The following C14orf132 variants were observed in gnomAD, a reference collection of about 807,000 sequenced individuals.
C14orf132 encodes uncharacterized protein C14orf132.
C14orf132 carries 6 observed loss-of-function variants against 5.8 expected under a neutral mutation model. That is an observed-to-expected ratio of 1.03 (90% CI 0.57 to 2.04). The LOEUF (loss-of-function observed/expected upper bound fraction) is 2.04, where lower values mean the gene tolerates loss of function less well. Among genes scored for constraint, C14orf132 ranks in the 30% most tolerant of loss-of-function variants. C14orf132 has a pLI of 0.00. For missense variants in C14orf132, 125 were observed against 115.8 expected (o/e 1.08, Z -0.37); for synonymous variants, 51 against 49.8 (o/e 1.02, Z -0.10).
intron 1 of C14orf132, among the ~76,000 whole-genome samples, chr14:96,051,966 G>T (rs982411957): frequency 6.6e-6 from 1 of 152,382 alleles, no homozygotes; most frequent in East Asian, 1.9e-4. Flanking sequence ...GATAGCTGTC[G>T]TAGGTGAATC....
chr14:96,072,836 G>A (rs1206897221), intron 1 of C14orf132, among the ~76,000 whole-genome samples: 1 of 152,244 alleles, frequency 6.6e-6, no homozygotes, highest in Non-Finnish European at 1.5e-5. Context: ...TTATCGCCAA[G>A]TGGGATTATA....
Position 96,039,589 on chromosome 14 carries a change from G to A in C14orf132, c.27+62G>A. 1.4e-6 allele frequency: 2 copies of A among 1,448,854 alleles called. No individual in the cohort carries two copies. Among genetic ancestry groups the A allele is most frequent in the Non-Finnish European group, 1.8e-6 (2 of 1,094,212 alleles). 89.7% of individuals were successfully genotyped at this position (1,448,854 alleles called of 1,614,324 possible). A position where few individuals can be genotyped will look rare whatever the true frequency, so the allele number is the denominator to read the frequency against. ...AAGTTTGGGGAGGTTCGGGGCCACG[G>A]TCTCGCCCTCCACGCTGGGGCTGGG... On this transcript the variant is annotated intron_variant, in intron 1 of 1. Coordinates refer to ENST00000555004, the MANE Select transcript of C14orf132 (RefSeq NM_001252507.3). The surrounding 1 kb of genome is among the most constrained non-coding windows in gnomAD (Gnocchi z 5.3).
intron 1 of C14orf132, among the ~76,000 whole-genome samples, chr14:96,080,498 T>C (rs1887997938): frequency 6.6e-6 from 1 of 152,216 alleles, no homozygotes; most frequent in African/African-American, 2.4e-5. Flanking sequence ...TTCTATTGTT[T>C]TGTGTTTACC....
At chr14:96,050,737 A>T (rs1887002971) in intron 1 of C14orf132, among the ~76,000 whole-genome samples, 1 of 151,852 alleles carries the variant, frequency 6.6e-6, no homozygotes, top group African/African-American at 2.4e-5. Context: ...CATAGGCAGT[A>T]AACCGGAGCA....
At chr14:96,064,454 A>G (rs1243699112) in intron 1 of C14orf132, among the ~76,000 whole-genome samples, 1 of 151,246 alleles carries the variant, frequency 6.6e-6, no homozygotes, top group African/African-American at 2.4e-5. Context: ...ATATATGTGT[A>G]TATGTATGTA....
intron 1 of C14orf132, among the ~76,000 whole-genome samples, chr14:96,082,915 G>C (rs1441292139): frequency 6.6e-6 from 1 of 152,180 alleles, no homozygotes; most frequent in Non-Finnish European, 1.5e-5. Context: ...GAGGCAAGTG[G>C]GTAAGTAACT....
At chr14:96,051,884 T>C (rs1297613096) in intron 1 of C14orf132, among the ~76,000 whole-genome samples, 1 of 152,202 alleles carries the variant, frequency 6.6e-6, no homozygotes, top group African/African-American at 2.4e-5. Context: ...AGAGCACACA[T>C]TGCATACAGA....
intron 1 of C14orf132, among the ~76,000 whole-genome samples, chr14:96,079,882 T>C (rs1887979371): frequency 6.6e-6 from 1 of 152,212 alleles, no homozygotes; most frequent in African/African-American, 2.4e-5. Context: ...CATATTGAGT[T>C]GTCAGATGTA....
chr14:96,046,670 T>A (rs1275238280), intron 1 of C14orf132, among the ~76,000 whole-genome samples: 1 of 152,188 alleles, frequency 6.6e-6, no homozygotes, highest in Non-Finnish European at 1.5e-5. Flanking sequence ...ACCTACATAT[T>A]AACATCATAT....
chr14:96,091,042 G>A lies in C14orf132; in HGVS notation c.*4307G>A. The A allele has an allele frequency of 2.2e-6, 1 of 455,830 alleles. No individual in the cohort carries two copies. The highest frequency in any genetic ancestry group is 2.0e-5 in the African/African-American group (1 of 50,164). 28.2% of individuals were successfully genotyped at this position (455,830 alleles called of 1,614,324 possible). On this transcript the variant is annotated 3_prime_UTR_variant, in exon 2 of 2. Coordinates refer to ENST00000555004, the MANE Select transcript of C14orf132 (RefSeq NM_001252507.3). ...TCAAATTGCCCCTGGGGGCAGGAATGAGGATGCAGAGAGATGCACGTTAAT... is the reference window on the plus strand; with the variant it reads ...TCAAATTGCCCCTGGGGGCAGGAATAAGGATGCAGAGAGATGCACGTTAAT...
At chr14:96,074,958 T>C (rs1387351590) in intron 1 of C14orf132, among the ~76,000 whole-genome samples, 1 of 152,238 alleles carries the variant, frequency 6.6e-6, no homozygotes, top group Non-Finnish European at 1.5e-5. Flanking sequence ...CAAACATTCC[T>C]GCTGGGATCT....
At position 96,090,912 on chromosome 14, in the gene C14orf132, A is replaced by G; in HGVS notation, c.*4177A>G. On this transcript the variant is annotated 3_prime_UTR_variant, in exon 2 of 2. Coordinates refer to ENST00000555004, the MANE Select transcript of C14orf132 (RefSeq NM_001252507.3). Reference sequence around the variant, plus strand: ...AATGGCACTTTCCTTCTTCAGAAGCATCATCTGCCTTCATTATTAGCAGTA... The same window carrying G: ...AATGGCACTTTCCTTCTTCAGAAGCGTCATCTGCCTTCATTATTAGCAGTA... 1 of 456,134 alleles carries G rather than the reference A, an allele frequency of 2.2e-6. No homozygotes were observed. Among genetic ancestry groups the G allele is most frequent in the Non-Finnish European group, 4.4e-6 (1 of 226,802 alleles). The allele number at this position is 456,134 out of a possible 1,614,324, so 28.3% of individuals were successfully genotyped here.
chr14:96,085,971 GTC>G (rs999128429), intron 1 of C14orf132, among the ~76,000 whole-genome samples: 10 of 139,820 alleles, frequency 7.2e-5, no homozygotes, highest in Non-Finnish European at 4.6e-5. Context: ...CTCTCACTCT[GTC>G]TCTCTCTCTC....
At chr14:96,054,918 C>A (rs1373252623) in intron 1 of C14orf132, among the ~76,000 whole-genome samples, 1 of 152,212 alleles carries the variant, frequency 6.6e-6, no homozygotes, top group African/African-American at 2.4e-5. Context: ...AAACCTTTGA[C>A]TCATTCTGAG....
At chr14:96,042,597 T>A (rs1886725083) in intron 1 of C14orf132, among the ~76,000 whole-genome samples, 1 of 152,202 alleles carries the variant, frequency 6.6e-6, no homozygotes, top group African/African-American at 2.4e-5. Flanking sequence ...TTAGAAAGAT[T>A]TTCCACTCAA....
At chr14:96,060,150 T>C (rs1887306417) in intron 1 of C14orf132, among the ~76,000 whole-genome samples, 1 of 152,226 alleles carries the variant, frequency 6.6e-6, no homozygotes, top group African/African-American at 2.4e-5. Flanking sequence ...GTAGCATTCC[T>C]GAGGACTTCT....
At chr14:96,055,662 C>T (rs571483063) in intron 1 of C14orf132, among the ~76,000 whole-genome samples, 170 of 152,252 alleles carry the variant, frequency 1.1e-3, no homozygotes, top group African/African-American at 3.8e-3. Context: ...GGTATAATTC[C>T]TATCTTCCAG....
At chr14:96,048,293 C>T (rs1035693824) in intron 1 of C14orf132, among the ~76,000 whole-genome samples, 2 of 152,140 alleles carry the variant, frequency 1.3e-5, no homozygotes, top group Non-Finnish European at 2.9e-5. Context: ...CGTGGATCCA[C>T]GTTATAGACA....
At chr14:96,054,652 C>T (rs1887127655) in intron 1 of C14orf132, among the ~76,000 whole-genome samples, 1 of 152,160 alleles carries the variant, frequency 6.6e-6, no homozygotes, top group African/African-American at 2.4e-5. Flanking sequence ...TATGTTTGAA[C>T]CAAAACTGTA....
Sources: gnomAD v4.1 joint callset for allele counts (sites outside exome capture counted in the v4.1 genomes callset) on GRCh38, gnomAD v4.1.1 for gene constraint, Gnocchi (gnomAD v3.1) non-coding constraint, MANE v1.5 for transcripts, NCBI Gene and HGNC (gene_info 2026-07-23, HGNC 2026-07-21) for gene names.